The following KIF1A variants were observed in gnomAD, a reference collection of about 807,000 sequenced individuals.
The protein encoded by KIF1A is kinesin family member 1A, also known as kinesin-like protein KIF1A.
KIF1A carries 46 observed loss-of-function variants against 227.3 expected under a neutral mutation model. The ratio of observed to expected loss-of-function variants is 0.20; its 90% CI spans 0.16 to 0.26. The LOEUF (loss-of-function observed/expected upper bound fraction) is 0.26, where lower values mean the gene tolerates loss of function less well. KIF1A is among the 10% of genes least tolerant of loss of function. KIF1A has a pLI of 1.00. For missense variants in KIF1A, 1,683 were observed against 2,485.9 expected (o/e 0.68, Z 6.87); for synonymous variants, 1,022 against 1,012.8 (o/e 1.01, Z -0.17).
intron 25 of KIF1A, among the ~76,000 whole-genome samples, chr2:240,760,199 G>T (rs2050344423): frequency 1.3e-5 from 2 of 152,154 alleles, no homozygotes; most frequent in African/African-American, 2.4e-5. Flanking sequence ...TCAGCTAAGG[G>T]ATCCACCTCC....
At chr2:240,773,653 CAT>C (rs1219644916) in intron 12 of KIF1A, among the ~76,000 whole-genome samples, 1 of 152,204 alleles carries the variant, frequency 6.6e-6, no homozygotes, top group Admixed American at 6.5e-5. Context: ...AGCCGATGCA[CAT>C]GTCTACGTTT....
rs1234222108 is a variant in KIF1A, at chr2:240,765,698, C to T, written c.1768+12G>A. 5.6e-6 allele frequency: 9 copies of T among 1,608,058 alleles called. No individual in the cohort carries two copies. In the Admixed American group the frequency reaches 1.5e-4, roughly 27 times the overall value. On this transcript the variant is annotated intron_variant, in intron 20 of 48. Transcript: ENST00000498729. ...TGCCTACCTGACTGGCCCCCGGAGTCCCCAGCCATACCTGAACGCAGGATG... is the reference window on the plus strand; with the variant it reads ...TGCCTACCTGACTGGCCCCCGGAGTTCCCAGCCATACCTGAACGCAGGATG...
rs755005197 is a variant in KIF1A at position 240,778,938 on chromosome 2, C to A, written c.883-3012G>T. ...TCCTCAGGCCATTCGCCCGTGTGCACCCCGTTCCTACACACAGCGCTCCAC... is the reference window on the plus strand; with the variant it reads ...TCCTCAGGCCATTCGCCCGTGTGCAACCCGTTCCTACACACAGCGCTCCAC... On this transcript the variant is annotated intron_variant, in intron 10 of 48. Coordinates refer to ENST00000498729, the MANE Select transcript of KIF1A (RefSeq NM_001244008.2). The surrounding 1 kb of genome is among the most constrained non-coding windows in gnomAD (Gnocchi z 7.2). Among the ~76,000 whole-genome samples the A allele has an allele frequency of 2.0e-5, 3 of 152,114 alleles. No individual in the cohort carries two copies. Among genetic ancestry groups the A allele is most frequent in the African/African-American group, 2.4e-5 (1 of 41,382 alleles).
At chr2:240,735,799 G>A (rs979562348) in intron 38 of KIF1A, among the ~76,000 whole-genome samples, 1 of 152,116 alleles carries the variant, frequency 6.6e-6, no homozygotes, top group Non-Finnish European at 1.5e-5. Context: ...CACCTGGTCT[G>A]CCTCACCTCT....
intron 1 of KIF1A, among the ~76,000 whole-genome samples, chr2:240,811,806 G>T (rs1427803132): frequency 6.6e-6 from 1 of 152,196 alleles, no homozygotes; most frequent in African/African-American, 2.4e-5. Context: ...AGAAGCTGGT[G>T]GTGGCAGGGT....
chr2:240,757,275 A>C lies in KIF1A; in HGVS notation c.2858+44T>G. On this transcript the variant is annotated intron_variant, in intron 27 of 48. Coordinates refer to ENST00000498729, the MANE Select transcript of KIF1A (RefSeq NM_001244008.2). This position sits in a 1 kb window ranked among gnomAD's most constrained non-coding sequence, Gnocchi z 6.2. ...TGCCCGCAGCAGTGCTCCTGTGCAAAAGAGCTGGGTCCTCCCCAGCATGCT... is the reference window on the plus strand; with the variant it reads ...TGCCCGCAGCAGTGCTCCTGTGCAACAGAGCTGGGTCCTCCCCAGCATGCT... The C allele has an allele frequency of 6.6e-7, 1 of 1,526,502 alleles. No homozygotes were observed. The highest frequency in any genetic ancestry group is 8.9e-7 in the Non-Finnish European group (1 of 1,127,156). 94.6% of individuals were successfully genotyped at this position (1,526,502 alleles called of 1,614,324 possible).
intron 1 of KIF1A, among the ~76,000 whole-genome samples, chr2:240,804,036 G>A (rs1052682391): frequency 3.9e-5 from 6 of 152,208 alleles, no homozygotes; most frequent in Non-Finnish European, 7.3e-5. Flanking sequence ...GGAAGGCCGA[G>A]GTGGGTGGAT....
chr2:240,762,125 CAG>C (rs112003552), intron 23 of KIF1A, among the ~76,000 whole-genome samples: 2,249 of 152,334 alleles, frequency 0.015, 67 homozygotes, highest in African/African-American at 0.051. Flanking sequence ...TGAGGCCAAA[CAG>C]GGGAAGATAC....
At chr2:240,776,332 G>A (rs1001467887) in intron 10 of KIF1A, among the ~76,000 whole-genome samples, 5 of 152,154 alleles carry the variant, frequency 3.3e-5, no homozygotes, top group South Asian at 2.1e-4. Context: ...AAGGGAAAAG[G>A]CCCCACAGCT....
At chr2:240,720,788 G>A in intron 45 of KIF1A, 126 bp downstream of exon 45, 1 of 1,199,832 alleles carries the variant, frequency 8.3e-7, no homozygotes, top group Non-Finnish European at 1.1e-6. Context: ...CCCTCAGCCT[G>A]TGGCCACCCC....
In KIF1A at chr2:240,737,078, G is replaced by T. The variant is rs759671623; in HGVS notation, c.3992C>A (p.Pro1331Gln). 6.2e-7 allele frequency: 1 copy of T among 1,613,034 alleles called. No individual in the cohort carries two copies. The highest frequency in any genetic ancestry group is 8.5e-7 in the Non-Finnish European group (1 of 1,179,078). Residue 1331 changes from proline (P) to glutamine (Q), a missense_variant, in exon 38 of 49, where the codon CCA becomes CAA. Transcript: ENST00000498729. The part of the protein sequence containing the change: ...LNILSSGYIH[P>Q]AQDDRTFYQF... Reference sequence around the variant, plus strand: ...TCCGACTCACCGGTCATCTTGGGCTGGGTGGATGTATCCGGAAGAGAGGAT... The same window carrying T: ...TCCGACTCACCGGTCATCTTGGGCTTGGTGGATGTATCCGGAAGAGAGGAT...
Position 240,725,179 on chromosome 2 carries a change from G to A in KIF1A, c.4256+92C>T. The A allele has an allele frequency of 7.2e-7, 1 of 1,387,154 alleles. No homozygotes were observed. Among genetic ancestry groups the A allele is most frequent in the Non-Finnish European group, 9.8e-7 (1 of 1,016,386 alleles). The allele number at this position is 1,387,154 out of a possible 1,614,324, so 85.9% of individuals were successfully genotyped here. On this transcript the variant is annotated intron_variant, in intron 40 of 48. Transcript: ENST00000498729. This position sits in a 1 kb window ranked among gnomAD's most constrained non-coding sequence, Gnocchi z 5.8. ...GGCCTCGCACAGGGTGAGCTGCCGG[G>A]TGGCCCAAGGACCGCTGCCAGGCAG...
rs2288747 is a variant in KIF1A, at chr2:240,785,261, G to A, written c.609-161C>T. On this transcript the variant is annotated intron_variant, in intron 6 of 48. Transcript: ENST00000498729. ...TGGCACTGATGGCGCCTCCTGCCAG[G>A]ACTCCAGCAGGGCCCATGGCCACCT... 0.27 allele frequency among the ~76,000 whole-genome samples: 40,802 copies of A among 152,176 alleles called. 6,345 individuals are homozygous for A. Among genetic ancestry groups the A allele is most frequent in the African/African-American group, 0.43 (17,682 of 41,500 alleles).
rs756408004 is a variant in KIF1A, at chr2:240,763,355, C to G, written c.1769-9G>C. ...CATGATGATGCGGTTTCCTGGGGAACAGAGGGACAGGTGGCCTTGAGGGAT... is the reference window on the plus strand; with the variant it reads ...CATGATGATGCGGTTTCCTGGGGAAGAGAGGGACAGGTGGCCTTGAGGGAT... On this transcript the variant is annotated splice_polypyrimidine_tract_variant and intron_variant, in intron 20 of 48. Coordinates refer to ENST00000498729, the MANE Select transcript of KIF1A (RefSeq NM_001244008.2). The G allele has an allele frequency of 4.5e-6, 7 of 1,563,662 alleles. No homozygotes were observed. In the East Asian group the frequency reaches 1.2e-4, roughly 27 times the overall value.
intron 27 of KIF1A, among the ~76,000 whole-genome samples, chr2:240,756,528 G>A (rs1410803907): frequency 6.6e-6 from 1 of 152,236 alleles, no homozygotes; most frequent in Non-Finnish European, 1.5e-5. Flanking sequence ...TTTGGGCAAC[G>A]TGATAACCAG....
chr2:240,771,076 G>C lies in KIF1A; in HGVS notation c.1236C>G (p.Pro412=). ...KLTNALVGMS[P]SSSLSALSSR... ...TGGACAGGGCTGAGAGCGAGGATGAGGGGCTCATACCCACCAGGGCATTGG... is the reference window on the plus strand; with the variant it reads ...TGGACAGGGCTGAGAGCGAGGATGACGGGCTCATACCCACCAGGGCATTGG... The change falls in exon 15 of 49, where the codon CCC becomes CCG. Residue 412 remains proline, a synonymous_variant. Coordinates refer to ENST00000498729, the MANE Select transcript of KIF1A (RefSeq NM_001244008.2). The C allele has an allele frequency of 6.2e-7, 1 of 1,613,592 alleles. No individual in the cohort carries two copies. The highest frequency in any genetic ancestry group is 8.5e-7 in the Non-Finnish European group (1 of 1,179,824).
Position 240,788,168 on chromosome 2 carries a change from C to T in KIF1A, c.246G>A (p.Leu82=). The T allele has an allele frequency of 6.2e-7, 1 of 1,613,828 alleles. No homozygotes were observed. The highest frequency in any genetic ancestry group is 8.5e-7 in the Non-Finnish European group (1 of 1,179,856). The change falls in exon 4 of 49, where the codon CTG becomes CTA. Residue 82 remains leucine (L), a synonymous_variant. Transcript: ENST00000498729. This position sits in a 1 kb window ranked among gnomAD's most constrained non-coding sequence, Gnocchi z 6.6. ...QVYRDIGEEM[L]QHAFEGYNVC... ...CGTTGTATCCCTCAAAGGCATGCTGCAGCATCTCCTCGCCGATGTCCCGGT... is the reference window on the plus strand; with the variant it reads ...CGTTGTATCCCTCAAAGGCATGCTGTAGCATCTCCTCGCCGATGTCCCGGT...
In KIF1A at chr2:240,719,655, CCTGT is replaced by C. The variant is rs547711013; in HGVS notation, c.5021+115_5021+118del. The C allele has an allele frequency of 1.4e-4, 175 of 1,216,010 alleles. 1 individual carries two copies. The highest frequency in any genetic ancestry group is 1.4e-3 in the African/African-American group (92 of 63,982). The allele number at this position is 1,216,010 out of a possible 1,614,324, so 75.3% of individuals were successfully genotyped here. ...AACCTCCAGTATGGGCATCAGGCAA[CCTGT>C]CTGTCTCCCCAAGTATGAGGGTCCC... On this transcript the variant is annotated intron_variant, in intron 46 of 48. Coordinates refer to ENST00000498729, the MANE Select transcript of KIF1A (RefSeq NM_001244008.2).
chr2:240,763,052 C>T lies in KIF1A; in HGVS notation c.1989G>A (p.Glu663=), dbSNP rs1371005890. The T allele has an allele frequency of 1.3e-6, 2 of 1,540,186 alleles. No individual in the cohort carries two copies. Among genetic ancestry groups the T allele is most frequent in the Non-Finnish European group, 1.7e-6 (2 of 1,145,320 alleles). Residue 663 remains glutamate (E), a synonymous_variant, in exon 22 of 49, where the codon GAG becomes GAA. Coordinates refer to ENST00000498729, the MANE Select transcript of KIF1A (RefSeq NM_001244008.2). ...ELEDQYRRER[E]EATYLLEQQR... ...GCTGCTCCAGCAGGTAGGTGGCCTC[C>T]TCCCGCTCGCGGCGGTACTGGTCCT... is the stretch of plus-strand genomic sequence containing the variant.
Sources: gnomAD v4.1 joint callset for allele counts (sites outside exome capture counted in the v4.1 genomes callset) on GRCh38, gnomAD v4.1.1 for gene constraint, Gnocchi (gnomAD v3.1) non-coding constraint, MANE v1.5 for transcripts, NCBI Gene and HGNC (gene_info 2026-07-23, HGNC 2026-07-21) for gene names.